Variants in SLCO1A2 observed in about 807,000 individuals in gnomAD.
SLCO1A2 encodes the protein OATP-1.
In SLCO1A2, 67 loss-of-function variants were observed where a neutral mutation model predicts 69.0. The ratio of observed to expected loss-of-function variants is 0.97; its 90% CI spans 0.80 to 1.19. SLCO1A2 has a LOEUF of 1.19. SLCO1A2 is among the 50% of genes most tolerant of loss of function. SLCO1A2 has a pLI of 0.00. For synonymous variants in SLCO1A2, 260 were observed against 265.9 expected, an observed-to-expected ratio of 0.98 and a Z score of 0.22; for missense variants, 787 against 793.7, an observed-to-expected ratio of 0.99 and a Z score of 0.10.
At chr12:21,383,652 T>C (rs983188950) in intron 1 of SLCO1A2, among the ~76,000 whole-genome samples, 1 of 152,186 alleles carries the variant, frequency 6.6e-6, no homozygotes, top group African/African-American at 2.4e-5. Flanking sequence ...TGAATTTACA[T>C]AGACATTCCC....
chr12:21,366,635 G>T (rs1259926807), intron 2 of SLCO1A2, among the ~76,000 whole-genome samples: 1 of 151,946 alleles, frequency 6.6e-6, no homozygotes, highest in African/African-American at 2.4e-5. Context: ...AACAGAAGGA[G>T]AATTTTGAAA....
Position 21,362,447 on chromosome 12 carries a change from G to A in SLCO1A2, c.-63+11952C>T, listed in dbSNP as rs572079697. On this transcript the variant is annotated intron_variant, in intron 2 of 15. Transcript: ENST00000307378. ...CCGGTACGAGCCACTGCAAAAACAT[G>A]CCAAATTGTAAAGACCATTGGTACT... Among the ~76,000 whole-genome samples the A allele has an allele frequency of 3.5e-3, 538 of 152,242 alleles. 4 individuals carry two copies. The highest frequency in any genetic ancestry group is 0.012 in the African/African-American group (501 of 41,534).
intron 2 of SLCO1A2, among the ~76,000 whole-genome samples, chr12:21,352,822 A>T (rs1005776024): frequency 3.3e-5 from 5 of 152,184 alleles, no homozygotes; most frequent in Non-Finnish European, 7.4e-5. Context: ...TCTTGTAGGA[A>T]CTGGGGGAAG....
chr12:21,301,269 C>A lies in SLCO1A2; in HGVS notation c.590G>T (p.Gly197Val). Residue 197 changes from glycine (G) to valine (V), a missense_variant and splice_region_variant, in exon 7 of 15, where the codon GGG (glycine) becomes GTG (valine). Transcript: ENST00000683939. ...AATAATAGCTCCTGTTTCTACAAGC[C>A]CTAAAAATAAATAAAAGTATAAGGT... ...AKFENSPLYI[G>V]LVETGAIIGP... 1 of 1,604,314 alleles carries A rather than the reference C, an allele frequency of 6.2e-7. No homozygotes were observed. Among genetic ancestry groups the A allele is most frequent in the Non-Finnish European group, 8.5e-7 (1 of 1,173,716 alleles).
At position 21,314,853 on chromosome 12, in the gene SLCO1A2, G is replaced by A. The variant is rs113392747; in HGVS notation, c.203-172C>T. Among the ~76,000 whole-genome samples, 917 of 152,228 alleles carry A rather than the reference G, an allele frequency of 6.0e-3. 7 individuals are homozygous for A. Among genetic ancestry groups the A allele is most frequent in the African/African-American group, 0.021 (874 of 41,534 alleles). On this transcript the variant is annotated intron_variant, in intron 3 of 14. Transcript: ENST00000683939. ...ATGAATATAACACAATCCCTGCCCC[G>A]AAGAAGGGTTCTGTTTTGCAATGTA... is the stretch of plus-strand genomic sequence containing the variant.
At chr12:21,405,877 G>A (rs11046018) in intron 1 of SLCO1A2, among the ~76,000 whole-genome samples, 8 of 152,186 alleles carry the variant, frequency 5.3e-5, no homozygotes, top group Admixed American at 5.2e-4. Context: ...CTGTTACCTT[G>A]GACAAGTTAA....
chr12:21,332,463 G>T (rs1264308258), intron 2 of SLCO1A2, among the ~76,000 whole-genome samples: 1 of 152,100 alleles, frequency 6.6e-6, no homozygotes, highest in African/African-American at 2.4e-5. Flanking sequence ...TAAGGTCTGT[G>T]TTGATGTTAA....
intron 6 of SLCO1A2, among the ~76,000 whole-genome samples, chr12:21,301,519 A>G (rs1948712454): frequency 1.3e-5 from 2 of 149,624 alleles, no homozygotes; most frequent in African/African-American, 5.1e-5. Context: ...GGTCACAGGT[A>G]GAGATTTGCT....
At chr12:21,290,639 A>G (rs1387189739) in intron 12 of SLCO1A2, among the ~76,000 whole-genome samples, 1 of 152,208 alleles carries the variant, frequency 6.6e-6, no homozygotes, top group Admixed American at 6.6e-5. Context: ...CCCTTAAACC[A>G]CATATAAAAA....
chr12:21,282,742 T>C (rs1397555902), intron 12 of SLCO1A2, among the ~76,000 whole-genome samples: 2 of 152,126 alleles, frequency 1.3e-5, no homozygotes, highest in African/African-American at 4.8e-5. Flanking sequence ...TTCAGTAAAG[T>C]TGCAGGATAC....
intron 8 of SLCO1A2, 55 bp from the exon 9 acceptor site, chr12:21,297,623 C>T (rs1393694619): frequency 6.6e-6 from 8 of 1,213,386 alleles, no homozygotes; most frequent in African/African-American, 1.6e-5. Flanking sequence ...CATTTTGTGA[C>T]TGGCTTTTCC....
chr12:21,289,465 C>T (rs915989911), intron 12 of SLCO1A2, among the ~76,000 whole-genome samples: 1 of 152,060 alleles, frequency 6.6e-6, no homozygotes, highest in Non-Finnish European at 1.5e-5. Context: ...CTCAGCCCCA[C>T]ACTCAGACCT....
At chr12:21,367,479 C>T (rs1939477999) in intron 2 of SLCO1A2, among the ~76,000 whole-genome samples, 1 of 151,756 alleles carries the variant, frequency 6.6e-6, no homozygotes, top group South Asian at 2.1e-4. Flanking sequence ...TGAGAATGGG[C>T]AGTGAGAGGG....
intron 1 of SLCO1A2, among the ~76,000 whole-genome samples, chr12:21,416,612 CTTTTTT>C (rs964323127): frequency 6.8e-6 from 1 of 146,804 alleles, no homozygotes; most frequent in African/African-American, 2.5e-5. Flanking sequence ...TCTTGTTTAA[CTTTTTT>C]TTTTTAAGAG....
chr12:21,387,610 A>G (rs1165578147), intron 1 of SLCO1A2, among the ~76,000 whole-genome samples: 1 of 152,210 alleles, frequency 6.6e-6, no homozygotes, highest in Non-Finnish European at 1.5e-5. Context: ...ATTTCAGAAG[A>G]TGTGTGGAAA....
At chr12:21,329,015 G>T (rs1035676776) in intron 2 of SLCO1A2, among the ~76,000 whole-genome samples, 3 of 152,140 alleles carry the variant, frequency 2.0e-5, no homozygotes, top group African/African-American at 4.8e-5. Context: ...AGACCTTACA[G>T]TAGCAATTAT....
intron 1 of SLCO1A2, chr12:21,378,352 G>A (rs200376097): frequency 1.9e-6 from 3 of 1,614,126 alleles, no homozygotes; most frequent in Non-Finnish European, 2.5e-6. Context: ...TACCAACGTG[G>A]GATCCAATAC....
Position 21,293,938 on chromosome 12 carries a change from G to A in SLCO1A2, c.1437+7C>T. 6.2e-7 allele frequency: 1 copy of A among 1,601,864 alleles called. No individual in the cohort carries two copies. On this transcript the variant is annotated splice_region_variant and intron_variant, in intron 11 of 14. Transcript: ENST00000683939. ...TCAAAAAAGTTCTGTCAAATAGGAT[G>A]TCTTACCATGTTTATTCCCGTTCCA...
At chr12:21,321,202 T>A (rs1230996560) in intron 2 of SLCO1A2, among the ~76,000 whole-genome samples, 2 of 152,208 alleles carry the variant, frequency 1.3e-5, no homozygotes, top group African/African-American at 2.4e-5. Context: ...TACCTATATC[T>A]CTGACTAACT....
Sources: gnomAD v4.1 joint callset for allele counts (sites outside exome capture counted in the v4.1 genomes callset) on GRCh38, gnomAD v4.1.1 for gene constraint, MANE v1.5 for transcripts, NCBI Gene and HGNC (gene_info 2026-07-23, HGNC 2026-07-21) for gene names.